The following DTWD2 variants were observed in gnomAD, a reference collection of about 807,000 sequenced individuals.
DTWD2 encodes tRNA-uridine aminocarboxypropyltransferase 2.
In DTWD2, 39 loss-of-function variants were observed where a neutral mutation model predicts 31.8. That is an observed-to-expected ratio of 1.22 (90% CI 0.95 to 1.60). The LOEUF (loss-of-function observed/expected upper bound fraction) is 1.60, where lower values mean the gene tolerates loss of function less well. DTWD2 is among the 40% of genes most tolerant of loss of function. The probability of loss-of-function intolerance (pLI) is 0.00; values close to 1 mark genes in which losing one functional copy is unlikely to be tolerated. For synonymous variants in DTWD2, 180 were observed against 142.8 expected, an observed-to-expected ratio of 1.26 and a Z score of -1.86; for missense variants, 515 against 381.5, an observed-to-expected ratio of 1.35 and a Z score of -2.92.
chr5:118,886,646 G>A (rs946472382), intron 4 of DTWD2, among the ~76,000 whole-genome samples: 19 of 152,152 alleles, frequency 1.2e-4, no homozygotes, highest in African/African-American at 4.6e-4. Context: ...GGCTAATGGA[G>A]AGAGAATGCT....
intron 1 of DTWD2, among the ~76,000 whole-genome samples, chr5:118,951,473 A>G (rs545368465): frequency 6.6e-6 from 1 of 152,270 alleles, no homozygotes; most frequent in South Asian, 2.1e-4. Flanking sequence ...GAATGCCTAG[A>G]CGTCAGGCAC....
At position 118,840,684 on chromosome 5, in the gene DTWD2, A is replaced by T; in HGVS notation, c.*233T>A. The T allele has an allele frequency of 6.0e-6, 2 of 334,816 alleles. No homozygotes were observed. The highest frequency in any genetic ancestry group is 1.0e-5 in the Non-Finnish European group (2 of 191,766). The allele number at this position is 334,816 out of a possible 1,614,324, so 20.7% of individuals were successfully genotyped here. A position where few individuals can be genotyped will look rare whatever the true frequency, so the allele number is the denominator to read the frequency against. ...AAATTTGGGTTTGAAAACATGTATT[A>T]GAGGCACATTTTTAAAAACAAGTAC... On this transcript the variant is annotated 3_prime_UTR_variant, in exon 6 of 6. Transcript: ENST00000510708.
At chr5:118,899,479 T>C (rs1446103996) in intron 4 of DTWD2, among the ~76,000 whole-genome samples, 1 of 152,182 alleles carries the variant, frequency 6.6e-6, no homozygotes, top group Admixed American at 6.5e-5. Context: ...ACAGAAACTT[T>C]CTAGAACCTA....
chr5:118,966,103 CAG>C (rs2149595909), intron 1 of DTWD2, among the ~76,000 whole-genome samples: 1 of 152,238 alleles, frequency 6.6e-6, no homozygotes, highest in South Asian at 2.1e-4. Flanking sequence ...GGTTTGGGTG[CAG>C]TCATGCATTG....
chr5:118,846,422 T>C (rs1245019675), intron 5 of DTWD2, among the ~76,000 whole-genome samples: 1 of 152,126 alleles, frequency 6.6e-6, no homozygotes, highest in East Asian at 1.9e-4. Flanking sequence ...ATAAGAGATA[T>C]AAGTCCACAG....
chr5:118,851,867 AG>A (rs1752016642), intron 4 of DTWD2, among the ~76,000 whole-genome samples: 1 of 151,860 alleles, frequency 6.6e-6, no homozygotes, highest in Non-Finnish European at 1.5e-5. Context: ...AAAAGAAAAC[AG>A]GGTTCAAGAG....
intron 4 of DTWD2, among the ~76,000 whole-genome samples, chr5:118,878,910 G>C (rs577171529): frequency 2.8e-4 from 42 of 152,294 alleles, no homozygotes; most frequent in Non-Finnish European, 5.3e-4. Flanking sequence ...CTGATCATTA[G>C]AGAAATGCAA....
At chr5:118,988,179 C>G (rs769844291) in intron 1 of DTWD2, 115 bp downstream of exon 1, 3 of 1,331,572 alleles carry the variant, frequency 2.3e-6, no homozygotes, top group Non-Finnish European at 3.1e-6. Flanking sequence ...CACCCGCCAA[C>G]TCCGCCGCCC....
intron 2 of DTWD2, among the ~76,000 whole-genome samples, chr5:118,943,104 T>C (rs1754243863): frequency 6.6e-6 from 1 of 152,142 alleles, no homozygotes; most frequent in Non-Finnish European, 1.5e-5. Context: ...GCTCCCAGCC[T>C]CAAAAGTCAG....
intron 1 of DTWD2, among the ~76,000 whole-genome samples, chr5:118,967,115 G>A (rs1473544579): frequency 6.7e-6 from 1 of 149,818 alleles, no homozygotes. Context: ...CAAAACAACT[G>A]TATGTGTAGA....
chr5:118,977,429 T>G (rs940159492), intron 1 of DTWD2, among the ~76,000 whole-genome samples: 44 of 152,196 alleles, frequency 2.9e-4, no homozygotes, highest in Non-Finnish European at 5.9e-4. Flanking sequence ...ATTGTATATT[T>G]AGAAAACCCC....
At chr5:118,931,520 A>G (rs906956741) in intron 3 of DTWD2, among the ~76,000 whole-genome samples, 7 of 152,202 alleles carry the variant, frequency 4.6e-5, no homozygotes, top group Non-Finnish European at 8.8e-5. Context: ...ACAAGAGTCA[A>G]TTCTCCAAAA....
intron 4 of DTWD2, among the ~76,000 whole-genome samples, chr5:118,877,721 C>T (rs1752653153): frequency 6.6e-6 from 1 of 151,982 alleles, no homozygotes; most frequent in South Asian, 2.1e-4. Flanking sequence ...TAAAGGGCAT[C>T]CAAAAAGGAA....
At chr5:118,917,740 G>C (rs1046721469) in intron 4 of DTWD2, among the ~76,000 whole-genome samples, 1 of 152,158 alleles carries the variant, frequency 6.6e-6, no homozygotes, top group African/African-American at 2.4e-5. Flanking sequence ...GGGAGGCTGA[G>C]GTGGGTGGAT....
At chr5:118,938,078 T>C (rs1428455280) in intron 3 of DTWD2, among the ~76,000 whole-genome samples, 1 of 152,182 alleles carries the variant, frequency 6.6e-6, no homozygotes, top group African/African-American at 2.4e-5. Flanking sequence ...ACCTCAATAA[T>C]GCTTGGTGGG....
chr5:118,929,951 G>T (rs957944058), intron 3 of DTWD2, among the ~76,000 whole-genome samples: 1 of 152,160 alleles, frequency 6.6e-6, no homozygotes, highest in African/African-American at 2.4e-5. Flanking sequence ...TGCCAGCCAG[G>T]CCTCCTCTTC....
chr5:118,926,447 C>A (rs1753810505), intron 4 of DTWD2, among the ~76,000 whole-genome samples: 1 of 152,066 alleles, frequency 6.6e-6, no homozygotes, highest in African/African-American at 2.4e-5. Context: ...GTGTACACTG[C>A]TCAGGTGACG....
intron 2 of DTWD2, among the ~76,000 whole-genome samples, chr5:118,943,279 C>T (rs749089879): frequency 1.7e-4 from 26 of 151,988 alleles, no homozygotes; most frequent in Non-Finnish European, 3.5e-4. Context: ...AGGCCAGGTG[C>T]GGTGGCTCAC....
intron 2 of DTWD2, among the ~76,000 whole-genome samples, chr5:118,940,093 A>G (rs1032998522): frequency 6.6e-6 from 1 of 152,234 alleles, no homozygotes; most frequent in East Asian, 1.9e-4. Context: ...TGGAAAGAGA[A>G]CAAAAATAAT....
Sources: gnomAD v4.1 joint callset for allele counts (sites outside exome capture counted in the v4.1 genomes callset) on GRCh38, gnomAD v4.1.1 for gene constraint, MANE v1.5 for transcripts, NCBI Gene and HGNC (gene_info 2026-07-23, HGNC 2026-07-21) for gene names.